Variants in THSD4 observed in about 807,000 individuals in gnomAD.
THSD4 encodes thrombospondin type 1 domain containing 4, also known as thrombospondin type-1 domain-containing protein 4.
In THSD4, 69 loss-of-function variants were observed where a neutral mutation model predicts 119.0. The observed-to-expected ratio is 0.58, with a 90% CI of 0.48 to 0.71. THSD4 has a LOEUF of 0.71. THSD4 is among the 30% of genes least tolerant of loss of function. The pLI, the probability that THSD4 is intolerant of heterozygous loss-of-function variation, is 0.00. For synonymous variants in THSD4, 524 were observed against 540.4 expected, an observed-to-expected ratio of 0.97 and a Z score of 0.42; for missense variants, 1,393 against 1,391.1, an observed-to-expected ratio of 1.00 and a Z score of -0.02.
intron 16 of THSD4, 143 bp downstream of exon 16, chr15:71,765,342 G>A: frequency 9.8e-7 from 1 of 1,018,484 alleles, no homozygotes; most frequent in Non-Finnish European, 1.4e-6. Flanking sequence ...AGCTGCTGGA[G>A]TACCCCGTGA....
intron 7 of THSD4, among the ~76,000 whole-genome samples, chr15:71,460,227 A>G (rs1292574625): frequency 6.6e-6 from 1 of 152,110 alleles, no homozygotes; most frequent in Non-Finnish European, 1.5e-5. Flanking sequence ...ACTCACTAAT[A>G]GAAGAAATTA....
intron 7 of THSD4, among the ~76,000 whole-genome samples, chr15:71,589,569 T>C (rs2049756332): frequency 7.2e-6 from 1 of 138,504 alleles, no homozygotes; most frequent in Non-Finnish European, 1.6e-5. Flanking sequence ...TGTCACCCTG[T>C]TGGGTCATGA....
chr15:71,205,410 T>C (rs558440630), intron 3 of THSD4, among the ~76,000 whole-genome samples: 1 of 152,304 alleles, frequency 6.6e-6, no homozygotes, highest in Admixed American at 6.5e-5. Flanking sequence ...GACTCAGAAC[T>C]ACTTAGCTGC....
intron 6 of THSD4, among the ~76,000 whole-genome samples, chr15:71,264,966 A>T (rs2044447098): frequency 6.6e-6 from 1 of 152,052 alleles, no homozygotes; most frequent in South Asian, 2.1e-4. Context: ...GAAGATGGGG[A>T]CTCTAAGGAA....
At chr15:71,393,298 C>G (rs987348942) in intron 6 of THSD4, among the ~76,000 whole-genome samples, 2 of 152,024 alleles carry the variant, frequency 1.3e-5, no homozygotes, top group African/African-American at 4.8e-5. Flanking sequence ...AATAGTCTCT[C>G]AGCAAATAAC....
intron 6 of THSD4, among the ~76,000 whole-genome samples, chr15:71,335,828 G>A (rs927247476): frequency 2.6e-5 from 4 of 152,058 alleles, no homozygotes; most frequent in Non-Finnish European, 4.4e-5. Flanking sequence ...GGAGTTTCCT[G>A]CAGAATTAGG....
intron 7 of THSD4, among the ~76,000 whole-genome samples, chr15:71,448,066 A>T (rs1408524649): frequency 6.6e-6 from 1 of 152,206 alleles, no homozygotes; most frequent in East Asian, 1.9e-4. Context: ...GTTTTACGGG[A>T]CAATGCCAAA....
At chr15:71,282,766 C>T (rs536106935) in intron 6 of THSD4, among the ~76,000 whole-genome samples, 19 of 152,260 alleles carry the variant, frequency 1.2e-4, no homozygotes, top group African/African-American at 4.6e-4. Flanking sequence ...TCCATGAAGG[C>T]ATCCCCAACT....
intron 5 of THSD4, among the ~76,000 whole-genome samples, chr15:71,244,678 C>T (rs951146674): frequency 6.6e-6 from 1 of 152,124 alleles, no homozygotes; most frequent in African/African-American, 2.4e-5. Context: ...GTATCTACCT[C>T]CTAGCATTGC....
At chr15:71,354,704 C>G (rs1027557953) in intron 6 of THSD4, among the ~76,000 whole-genome samples, 2 of 152,120 alleles carry the variant, frequency 1.3e-5, no homozygotes, top group African/African-American at 4.8e-5. Flanking sequence ...ATAGTTAGGC[C>G]TTCTATGTGG....
chr15:71,366,765 ACCTGT>A (rs1258452772), intron 6 of THSD4, among the ~76,000 whole-genome samples: 1 of 152,130 alleles, frequency 6.6e-6, no homozygotes, highest in African/African-American at 2.4e-5. Context: ...CTCAACAGGC[ACCTGT>A]CCTTTGCTCA....
At chr15:71,465,710 C>T (rs561264017) in intron 7 of THSD4, among the ~76,000 whole-genome samples, 1 of 152,358 alleles carries the variant, frequency 6.6e-6, no homozygotes, top group South Asian at 2.1e-4. Context: ...GGTTTAATCT[C>T]ATGGGTTATT....
chr15:71,166,964 T>C (rs2043300296), intron 3 of THSD4: 1 of 152,222 alleles, frequency 6.6e-6, no homozygotes, highest in Non-Finnish European at 1.5e-5. Flanking sequence ...ATAGAGAACA[T>C]ATATTTTAGA....
chr15:71,394,429 C>T (rs554754820), intron 6 of THSD4, among the ~76,000 whole-genome samples: 13 of 152,166 alleles, frequency 8.5e-5, no homozygotes, highest in Admixed American at 3.9e-4. Flanking sequence ...AGTGCCACCA[C>T]GGCCGGCTAA....
At chr15:71,428,283 A>G (rs568130797) in intron 7 of THSD4, among the ~76,000 whole-genome samples, 1 of 152,256 alleles carries the variant, frequency 6.6e-6, no homozygotes, top group South Asian at 2.1e-4. Flanking sequence ...AAAACTTTAG[A>G]AAACTGTGCT....
At position 71,749,697 on chromosome 15, in the gene THSD4, T is replaced by TTA. The variant is rs61573060; in HGVS notation, c.2415+1104_2415+1105insAT. 4.1e-4 allele frequency among the ~76,000 whole-genome samples: 57 copies of TTA among 137,664 alleles called. 1 individual carries two copies. The highest frequency in any genetic ancestry group is 2.9e-3 in the Admixed American group (40 of 13,760). 90.3% of individuals were successfully genotyped at this position (137,664 alleles called of 152,430 possible). A position where few individuals can be genotyped will look rare whatever the true frequency, so the allele number is the denominator to read the frequency against. On this transcript the variant is annotated intron_variant, in intron 14 of 17. Transcript: ENST00000261862. Reference sequence around the variant, plus strand: ...TTTTAATATTTTTATATTTTTAAATTTTTATTTATTTATTTATTTATTTAT... The same window carrying TTA: ...TTTTAATATTTTTATATTTTTAAATTTATTTATTTATTTATTTATTTATTTAT...
chr15:71,526,539 G>C (rs528058372), intron 7 of THSD4, among the ~76,000 whole-genome samples: 1 of 152,090 alleles, frequency 6.6e-6, no homozygotes, highest in African/African-American at 2.4e-5. Context: ...ACTATTTCAG[G>C]AATAGTTGCA....
intron 16 of THSD4, among the ~76,000 whole-genome samples, chr15:71,765,627 G>C (rs2053702351): frequency 6.6e-6 from 1 of 152,192 alleles, no homozygotes; most frequent in Non-Finnish European, 1.5e-5. Context: ...CTGATGCCAG[G>C]CGTGGTGGTT....
At chr15:71,533,884 T>C (rs2048651161) in intron 7 of THSD4, among the ~76,000 whole-genome samples, 1 of 152,196 alleles carries the variant, frequency 6.6e-6, no homozygotes, top group Non-Finnish European at 1.5e-5. Context: ...AATGCATATA[T>C]TTTGAACTAA....
Sources: allele counts gnomAD v4.1 joint callset (sites outside exome capture counted in the v4.1 genomes callset), GRCh38; gene constraint gnomAD v4.1.1; transcripts MANE v1.5; gene names NCBI Gene and HGNC (gene_info 2026-07-23, HGNC 2026-07-21).